Variants in NDST3 observed in about 807,000 individuals in gnomAD.
NDST3 encodes the protein bifunctional heparan sulfate N-deacetylase/N-sulfotransferase 3.
NDST3 carries 58 observed loss-of-function variants against 96.1 expected under a neutral mutation model. The observed-to-expected ratio is 0.60, with a 90% confidence interval of 0.49 to 0.75. The LOEUF (loss-of-function observed/expected upper bound fraction) is 0.75, where lower values mean the gene tolerates loss of function less well. Ranked by LOEUF, NDST3 falls within the 30% of genes least tolerant of loss-of-function variation. NDST3 has a pLI of 0.00. For missense variants in NDST3, 788 were observed against 1,034.2 expected, an observed-to-expected ratio of 0.76 and a Z score of 3.27; for synonymous variants, 333 against 359.7, an observed-to-expected ratio of 0.93 and a Z score of 0.84.
chr4:118,057,247 G>A (rs543334214), intron 2 of NDST3, among the ~76,000 whole-genome samples: 3 of 152,130 alleles, frequency 2.0e-5, no homozygotes, highest in East Asian at 1.9e-4. Flanking sequence ...GATAATTGTT[G>A]ATGATGTGAA....
chr4:118,085,881 T>C (rs992301712), intron 2 of NDST3, among the ~76,000 whole-genome samples: 1 of 152,192 alleles, frequency 6.6e-6, no homozygotes, highest in African/African-American at 2.4e-5. Flanking sequence ...TGGGCTTTTA[T>C]GTGTTCCGCT....
intron 13 of NDST3, 97 bp downstream of exon 13, chr4:118,253,698 C>A: frequency 1.2e-6 from 1 of 845,294 alleles, no homozygotes; most frequent in African/African-American, 1.7e-5. Flanking sequence ...CAAAATTCAG[C>A]CTTTCTAAAA....
At position 118,131,430 on chromosome 4, in the gene NDST3, CT is replaced by C. The variant is rs142896133; in HGVS notation, c.1225-6623del. Among the ~76,000 whole-genome samples the C allele has an allele frequency of 5.8e-3, 875 of 152,008 alleles. 10 individuals carry two copies. The highest frequency in any genetic ancestry group is 0.02 in the African/African-American group (830 of 41,450). Reference sequence around the variant, plus strand: ...ATTGCAATTTTCAACTCTAGAATTTCTGCTTGATTCTTTCTCATTATTTCAA... The same window carrying C: ...ATTGCAATTTTCAACTCTAGAATTTCGCTTGATTCTTTCTCATTATTTCAA... On this transcript the variant is annotated intron_variant, in intron 4 of 13. Transcript: ENST00000296499.
rs559148245 is a variant in NDST3, at chr4:118,071,580, C to G, written c.981+16689C>G. Among the ~76,000 whole-genome samples, 4 of 152,122 alleles carry G rather than the reference C, an allele frequency of 2.6e-5. No individual in the cohort carries two copies. The South Asian group carries it at 6.2e-4, about 24-fold the overall frequency. On this transcript the variant is annotated intron_variant, in intron 2 of 13. Transcript: ENST00000296499. ...CTCCAGCTCCATCCATTGGGGTGTT[C>G]TACAAAGGACATGACCTAGTTCTTT...
intron 3 of NDST3, among the ~76,000 whole-genome samples, chr4:118,113,534 AAAG>A (rs1730815702): frequency 6.6e-6 from 1 of 152,156 alleles, no homozygotes; most frequent in Non-Finnish European, 1.5e-5. Flanking sequence ...TATCTCTAGT[AAAG>A]GTTTTCAATG....
chr4:118,073,315 A>G (rs1727237063), intron 2 of NDST3, among the ~76,000 whole-genome samples: 1 of 151,998 alleles, frequency 6.6e-6, no homozygotes, highest in South Asian at 2.1e-4. Flanking sequence ...TCTTCTTTCT[A>G]TGTCTGGTAG....
At chr4:118,058,549 C>T (rs1334205833) in intron 2 of NDST3, among the ~76,000 whole-genome samples, 1 of 151,052 alleles carries the variant, frequency 6.6e-6, no homozygotes, top group Non-Finnish European at 1.5e-5. Flanking sequence ...TCAAATATTC[C>T]TTTAAAAAGG....
intron 6 of NDST3, among the ~76,000 whole-genome samples, chr4:118,210,307 T>C (rs896691383): frequency 2.0e-5 from 3 of 152,138 alleles, no homozygotes; most frequent in Non-Finnish European, 4.4e-5. Flanking sequence ...TTGTCTGCCT[T>C]ACAACTAATA....
In NDST3 at chr4:118,253,496, TAG is replaced by T; in HGVS notation, c.2400-2_2400-1del. On this transcript the variant is annotated splice_acceptor_variant, in intron 12 of 13. Coordinates refer to ENST00000296499, the MANE Select transcript of NDST3 (RefSeq NM_004784.3). LOFTEE classifies it high-confidence loss of function. ...TTTCTGTGTGTATTCTTTTTTTTTT[TAG>T]GTTTGATTCTCATAAAGGTTTCTGG... 6.7e-7 allele frequency: 1 copy of T among 1,487,526 alleles called. No homozygotes were observed. The highest frequency in any genetic ancestry group is 2.1e-5 in the Admixed American group (1 of 48,554). The allele number at this position is 1,487,526 out of a possible 1,614,324, so 92.1% of individuals were successfully genotyped here. A position where few individuals can be genotyped will look rare whatever the true frequency, so the allele number is the denominator to read the frequency against.
At chr4:118,148,006 T>C (rs1734075210) in intron 6 of NDST3, among the ~76,000 whole-genome samples, 1 of 152,130 alleles carries the variant, frequency 6.6e-6, no homozygotes, top group Admixed American at 6.5e-5. Flanking sequence ...GCCACAAGAT[T>C]CATGCCAATG....
At chr4:118,039,211 T>C (rs916080409) in intron 1 of NDST3, among the ~76,000 whole-genome samples, 1 of 152,190 alleles carries the variant, frequency 6.6e-6, no homozygotes, top group Non-Finnish European at 1.5e-5. Context: ...TAAATTTCAG[T>C]GAAAAGCACA....
chr4:118,124,528 G>T (rs1398649923), intron 4 of NDST3, among the ~76,000 whole-genome samples: 1 of 151,934 alleles, frequency 6.6e-6, no homozygotes, highest in Non-Finnish European at 1.5e-5. Flanking sequence ...TAGGGTCCTG[G>T]GACCAATGAA....
intron 6 of NDST3, among the ~76,000 whole-genome samples, chr4:118,220,368 C>T (rs567417344): frequency 1.3e-5 from 2 of 151,822 alleles, no homozygotes; most frequent in South Asian, 4.2e-4. Context: ...AACCAAACAC[C>T]GCATGTTCTC....
chr4:118,059,342 T>TA lies in NDST3; in HGVS notation c.981+4457dup, dbSNP rs1160660550. Among the ~76,000 whole-genome samples the TA allele has an allele frequency of 7.9e-5, 12 of 152,226 alleles. No individual in the cohort carries two copies. In the South Asian group the frequency reaches 1.9e-3, roughly 24 times the overall value. On this transcript the variant is annotated intron_variant, in intron 2 of 13. Coordinates refer to ENST00000296499, the MANE Select transcript of NDST3 (RefSeq NM_004784.3). The stretch of plus-strand genomic sequence containing the variant: ...ACTTGTCTATTTGTGGATTAGCCCT[T>TA]AAAAAATCTACATTTTTAAAGTGGC...
chr4:118,151,175 G>C (rs1414579744), intron 6 of NDST3, among the ~76,000 whole-genome samples: 1 of 152,096 alleles, frequency 6.6e-6, no homozygotes, highest in East Asian at 1.9e-4. Context: ...CTCATAGGTG[G>C]GAACTGAACA....
chr4:118,039,715 A>G (rs1724339682), intron 1 of NDST3, among the ~76,000 whole-genome samples: 1 of 152,114 alleles, frequency 6.6e-6, no homozygotes, highest in South Asian at 2.1e-4. Flanking sequence ...GGAAGATGAA[A>G]CCAGATGGGG....
intron 2 of NDST3, among the ~76,000 whole-genome samples, chr4:118,078,744 G>GA (rs113277466): frequency 0.84 from 119,692 of 142,454 alleles, 51,707 homozygotes; most frequent in South Asian, 0.95. Flanking sequence ...GCCAGACTCT[G>GA]AAAAAAAAAA....
intron 6 of NDST3, among the ~76,000 whole-genome samples, chr4:118,204,875 CT>C (rs1474166062): frequency 6.9e-6 from 1 of 144,252 alleles, no homozygotes; most frequent in Non-Finnish European, 1.5e-5. Flanking sequence ...CAGAGCAATT[CT>C]AACACAAATA....
intron 2 of NDST3, among the ~76,000 whole-genome samples, chr4:118,069,904 G>A (rs573091614): frequency 2.8e-4 from 43 of 151,932 alleles, no homozygotes; most frequent in Non-Finnish European, 4.9e-4. Context: ...TATATTCCCA[G>A]GAAGTTTTAA....
Sources: allele counts gnomAD v4.1 joint callset (sites outside exome capture counted in the v4.1 genomes callset), GRCh38; gene constraint gnomAD v4.1.1; transcripts MANE v1.5; gene names NCBI Gene and HGNC (gene_info 2026-07-23, HGNC 2026-07-21).